The following GPR84 variants were observed in gnomAD, a reference collection of about 807,000 sequenced individuals.
The protein encoded by GPR84 is G protein-coupled receptor 84.
GPR84 carries 8 observed loss-of-function variants against 14.9 expected under a neutral mutation model. The ratio of observed to expected loss-of-function variants is 0.54; its 90% CI spans 0.31 to 0.97. The LOEUF is 0.97. Ranked by LOEUF, GPR84 falls within the 50% of genes least tolerant of loss-of-function variation. The probability of loss-of-function intolerance (pLI) is 0.04; values close to 1 mark genes in which losing one functional copy is unlikely to be tolerated. For missense variants in GPR84, 424 were observed against 498.7 expected (o/e 0.85, Z 1.43); for synonymous variants, 164 against 198.1 (o/e 0.83, Z 1.45).
At chr12:54,362,237 T>C (rs1954276627), downstream of GPR84, among the ~76,000 whole-genome samples, 1 of 152,200 alleles carries the variant, frequency 6.6e-6, no homozygotes, top group Non-Finnish European at 1.5e-5. This position sits in a 1 kb window ranked among gnomAD's most constrained non-coding sequence, Gnocchi z 4.0. Flanking sequence ...TGCTTCCTGC[T>C]CCTGCTTTGA....
At chr12:54,361,015 C>T (rs961011612), downstream of GPR84, among the ~76,000 whole-genome samples, 4 of 152,136 alleles carry the variant, frequency 2.6e-5, no homozygotes, top group African/African-American at 9.7e-5. The surrounding 1 kb of genome is among the most constrained non-coding windows in gnomAD (Gnocchi z 4.3). Context: ...AGAAAGGAAA[C>T]GCAGAGAACC....
downstream of GPR84, among the ~76,000 whole-genome samples, chr12:54,359,185 A>T (rs190788197): frequency 8.5e-4 from 129 of 151,326 alleles, no homozygotes; most frequent in Non-Finnish European, 1.5e-3. Flanking sequence ...TAGCAGCTGC[A>T]CCCCCCTCCC....
At chr12:54,354,321 T>C in the GPR84 span, among the ~76,000 whole-genome samples, 1 of 152,146 alleles carries the variant, frequency 6.6e-6, no homozygotes, top group Non-Finnish European at 1.5e-5. Context: ...TTTGCCATAT[T>C]GCCCAGGCTG....
downstream of GPR84, among the ~76,000 whole-genome samples, chr12:54,357,574 T>G (rs1954223737): frequency 1.3e-5 from 2 of 152,162 alleles, no homozygotes. Context: ...TATTGGCTGT[T>G]TTTAATTCTC....
chr12:54,362,751 A>C lies in GPR84; in HGVS notation c.1101T>G (p.Pro367=), dbSNP rs75397134. The part of the protein sequence containing the change: ...NLTWLNGCIN[P]VLYAAMNRQF... ...GGCGGTTCATGGCTGCATAGAGCAC[A>C]GGGTTGATGCAACCATTGAGCCAGG... Residue 367 remains proline (P), a synonymous_variant, in exon 2 of 2, where the codon CCT becomes CCG. Coordinates refer to ENST00000267015, the MANE Select transcript of GPR84 (RefSeq NM_020370.3). This position sits in a 1 kb window ranked among gnomAD's most constrained non-coding sequence, Gnocchi z 4.0. The C allele has an allele frequency of 3.4e-4, 541 of 1,614,152 alleles. 2 individuals carry two copies. The East Asian group carries it at 0.011, about 32-fold the overall frequency.
rs140120680 is a variant in GPR84, at chr12:54,363,670, T to C, written c.182A>G (p.Asn61Ser). ...LRTRFNLLIA[N>S]LTLADLLYCT... ...GTAGAGGAGATCAGCCAGTGTGAGG[T>C]TGGCTATGAGCAGGTTGAATCGGGT... The change falls in exon 2 of 2, where the codon AAC (asparagine) becomes AGC (serine). Residue 61 changes from asparagine (N) to serine (S), a missense_variant. Asn to Ser is a conservative substitution (Grantham distance 46). Transcript: ENST00000267015. The C allele has an allele frequency of 1.4e-3, 2,332 of 1,613,732 alleles. 12 individuals are homozygous for C. Among genetic ancestry groups the C allele is most frequent in the Middle Eastern group, 4.0e-3 (24 of 6,062 alleles).
rs1456958565 is a variant in GPR84 at position 54,363,516 on chromosome 12, G to A, written c.336C>T (p.Cys112=). The A allele has an allele frequency of 1.9e-6, 3 of 1,613,938 alleles. No homozygotes were observed. In the African/African-American group the frequency reaches 4.0e-5, roughly 22 times the overall value. Residue 112 remains cysteine, a synonymous_variant, in exon 2 of 2, where the codon TGC becomes TGT. Coordinates refer to ENST00000267015, the MANE Select transcript of GPR84 (RefSeq NM_020370.3). Reference sequence around the variant, plus strand: ...GGAGGTAGCGTCCCAGTGCGATGAGGCAGAGGGTCAGGATGGAGACAGAAT... The same window carrying A: ...GGAGGTAGCGTCCCAGTGCGATGAGACAGAGGGTCAGGATGGAGACAGAAT... ...ASNSVSILTL[C]LIALGRYLLI... is the part of the protein sequence containing the mutation.
Position 54,363,677 on chromosome 12 carries a change from T to A in GPR84, c.175A>T (p.Ile59Leu). ...PKLRTRFNLL[I>L]ANLTLADLLY... The stretch of plus-strand genomic sequence containing the variant: ...AGATCAGCCAGTGTGAGGTTGGCTA[T>A]GAGCAGGTTGAATCGGGTACGGAGC... Residue 59 changes from isoleucine (I) to leucine (L), a missense_variant, in exon 2 of 2, where the codon ATA (isoleucine) becomes TTA (leucine). Ile to Leu is a conservative substitution (Grantham distance 5). Coordinates refer to ENST00000267015, the MANE Select transcript of GPR84 (RefSeq NM_020370.3). The A allele has an allele frequency of 6.2e-7, 1 of 1,614,032 alleles. No individual in the cohort carries two copies. The highest frequency in any genetic ancestry group is 2.2e-5 in the East Asian group (1 of 44,880).
the GPR84 span, among the ~76,000 whole-genome samples, chr12:54,355,329 T>TGTGTGTGC: frequency 7.1e-6 from 1 of 141,654 alleles, no homozygotes; most frequent in Admixed American, 6.9e-5. Flanking sequence ...TGTGTGTGAG[T>TGTGTGTGC]GTGTGTGTGT....
At chr12:54,356,974 G>A in the GPR84 span, among the ~76,000 whole-genome samples, 1 of 152,166 alleles carries the variant, frequency 6.6e-6, no homozygotes, top group Non-Finnish European at 1.5e-5. Context: ...GGAGAAGAGA[G>A]CATGTCTTTT....
rs372658018 is a variant in GPR84, at chr12:54,364,079, T to G, written c.-8-220A>C. The stretch of plus-strand genomic sequence containing the variant: ...CCCATTCTCAAATATTTCCCCAAGT[T>G]TTTATCTAAATATCTCTTGCCTAAA... On this transcript the variant is annotated intron_variant, in intron 1 of 1. Transcript: ENST00000267015. 695 of 457,950 alleles carry G rather than the reference T, an allele frequency of 1.5e-3. 4 individuals are homozygous for G. The highest frequency in any genetic ancestry group is 4.4e-3 in the South Asian group (82 of 18,636). The allele number at this position is 457,950 out of a possible 1,614,324, so 28.4% of individuals were successfully genotyped here.
the GPR84 span, among the ~76,000 whole-genome samples, chr12:54,356,988 C>T: frequency 6.6e-6 from 1 of 152,094 alleles, no homozygotes; most frequent in African/African-American, 2.4e-5. Flanking sequence ...GTCTTTTTTC[C>T]TCAGTCCCCC....
At chr12:54,363,944 A>G (rs949911426) in intron 1 of GPR84, 85 bp from the exon 2 acceptor site, 6 of 852,274 alleles carry the variant, frequency 7.0e-6, no homozygotes, top group African/African-American at 1.7e-5. Context: ...GGGACCCTGG[A>G]CATCTAAACT....
At chr12:54,360,203 T>C (rs1056744696), downstream of GPR84, among the ~76,000 whole-genome samples, 1 of 152,194 alleles carries the variant, frequency 6.6e-6, no homozygotes, top group Non-Finnish European at 1.5e-5. Context: ...TCTTACAACG[T>C]ACTAGGCATT....
chr12:54,363,612 G>C lies in GPR84; in HGVS notation c.240C>G (p.Thr80=), dbSNP rs1250829571. 2 of 1,614,056 alleles carry C rather than the reference G, an allele frequency of 1.2e-6. No individual in the cohort carries two copies. The highest frequency in any genetic ancestry group is 2.7e-5 in the African/African-American group (2 of 75,052). The change falls in exon 2 of 2, where the codon ACC becomes ACG. Residue 80 remains threonine, a synonymous_variant. Coordinates refer to ENST00000267015, the MANE Select transcript of GPR84 (RefSeq NM_020370.3). ...CGGTGCGCCAGTGCAGGTGGAGGTA[G>C]GTGTCCACAGAGAAGGGCTGAAGGA... is the stretch of plus-strand genomic sequence containing the variant. ...CTLLQPFSVD[T]YLHLHWRTGA... is the part of the protein sequence containing the mutation.
chr12:54,354,982 G>GGGACTGAGGTA, the GPR84 span, among the ~76,000 whole-genome samples: 410 of 152,222 alleles, frequency 2.7e-3, 2 homozygotes, highest in Non-Finnish European at 5.2e-3. Context: ...GTTCTGAGGT[G>GGGACTGAGGTA]GGACTGAGGT....
chr12:54,362,671 C>A lies in GPR84; in HGVS notation c.1181G>T (p.Arg394Met), dbSNP rs779686202. ...ACTAGGGTCACAGTTCTAATGGAGCCTATGGAAACTCCGGGGCCCTCTTTT... is the reference window on the plus strand; with the variant it reads ...ACTAGGGTCACAGTTCTAATGGAGCATATGGAAACTCCGGGGCCCTCTTTT... ...ILKRGPRSFH[R>M]LH The change falls in exon 2 of 2, where the codon AGG (arginine) becomes ATG (methionine). Residue 394 changes from arginine (R) to methionine (M), a missense_variant. Arg to Met is a moderately conservative substitution (Grantham distance 91, BLOSUM62 -1). Transcript: ENST00000267015. The surrounding 1 kb of genome is among the most constrained non-coding windows in gnomAD (Gnocchi z 4.0). The A allele has an allele frequency of 6.2e-7, 1 of 1,602,932 alleles. No homozygotes were observed. Among genetic ancestry groups the A allele is most frequent in the Non-Finnish European group, 8.5e-7 (1 of 1,172,108 alleles).
At position 54,363,084 on chromosome 12, in the gene GPR84, A is replaced by G; in HGVS notation, c.768T>C (p.Ser256=). The G allele has an allele frequency of 6.2e-7, 1 of 1,614,180 alleles. No individual in the cohort carries two copies. The highest frequency in any genetic ancestry group is 8.5e-7 in the Non-Finnish European group (1 of 1,180,032). The change falls in exon 2 of 2, where the codon TCT becomes TCC. Residue 256 remains serine (S), a synonymous_variant. Coordinates refer to ENST00000267015, the MANE Select transcript of GPR84 (RefSeq NM_020370.3). ...GGGTGGTGGCAGCACTGACTGGCTCAGATGAAATCCCCTCACTGGGTCCTC... is the reference window on the plus strand; with the variant it reads ...GGGTGGTGGCAGCACTGACTGGCTCGGATGAAATCCCCTCACTGGGTCCTC... ...ASGGPSEGIS[S]EPVSAATTQT...
At chr12:54,351,692 C>T in the GPR84 span, 2 of 152,234 alleles carry the variant, frequency 1.3e-5, no homozygotes, top group African/African-American at 4.8e-5. Context: ...AAGCATTCTG[C>T]CCCACTTACT....
Sources: allele counts gnomAD v4.1 joint callset (sites outside exome capture counted in the v4.1 genomes callset), GRCh38; gene constraint gnomAD v4.1.1; non-coding constraint Gnocchi (gnomAD v3.1); transcripts MANE v1.5; gene names NCBI Gene and HGNC (gene_info 2026-07-23, HGNC 2026-07-21).